Variants in ZNF845 observed in about 807,000 individuals in gnomAD.
ZNF845 encodes zinc finger protein 845.
Under a neutral mutation model 76.1 loss-of-function variants are expected in ZNF845, and 59 were observed. That is an observed-to-expected ratio of 0.78 (90% CI 0.63 to 0.96). The LOEUF (loss-of-function observed/expected upper bound fraction) is 0.96, where lower values mean the gene tolerates loss of function less well. Among genes scored for constraint, ZNF845 ranks in the 40% least tolerant of loss-of-function variants. ZNF845 has a pLI of 0.00. For missense variants in ZNF845, 1,045 were observed against 1,172.8 expected, an observed-to-expected ratio of 0.89 and a Z score of 1.59; for synonymous variants, 361 against 386.9, an observed-to-expected ratio of 0.93 and a Z score of 0.78.
Position 53,352,725 on chromosome 19 carries a change from C to G in ZNF845, c.2050C>G (p.Leu684Val), listed in dbSNP as rs574709820. The change falls in exon 4 of 4, where the codon CTT becomes GTT. Residue 684 changes from leucine to valine, a missense_variant. By Grantham distance (32) the Leu-to-Val change is conservative. Transcript: ENST00000458035. ...RKSYLTCHRR[L>V]HTGEKPYKCN... is the part of the protein sequence containing the mutation. ...GTCATACCTTACATGCCATCGTAGA[C>G]TTCATACTGGAGAGAAACCTTACAA... is the stretch of plus-strand genomic sequence containing the variant. 6.2e-7 allele frequency: 1 copy of G among 1,613,392 alleles called. No individual in the cohort carries two copies. The highest frequency in any genetic ancestry group is 1.3e-5 in the African/African-American group (1 of 74,796).
intron 2 of ZNF845, among the ~76,000 whole-genome samples, chr19:53,344,449 A>G (rs2085279002): frequency 6.6e-6 from 1 of 151,966 alleles, no homozygotes; most frequent in Non-Finnish European, 1.5e-5. Flanking sequence ...GAGGCAGGAG[A>G]ATCACTTGAT....
At chr19:53,342,716 C>T (rs1307889383) in intron 2 of ZNF845, among the ~76,000 whole-genome samples, 1 of 152,112 alleles carries the variant, frequency 6.6e-6, no homozygotes, top group Admixed American at 6.6e-5. Flanking sequence ...GTTTGGGGCG[C>T]CATGTTCAGG....
chr19:53,342,715 G>A (rs114705825), intron 2 of ZNF845, among the ~76,000 whole-genome samples: 6 of 152,058 alleles, frequency 3.9e-5, no homozygotes, highest in Admixed American at 3.3e-4. Flanking sequence ...GGTTTGGGGC[G>A]CCATGTTCAG....
intron 1 of ZNF845, among the ~76,000 whole-genome samples, chr19:53,336,510 A>C (rs918934440): frequency 1.3e-5 from 2 of 152,038 alleles, no homozygotes; most frequent in African/African-American, 2.4e-5. Flanking sequence ...GCTTCATCTC[A>C]AAAAAACAAA....
chr19:53,350,653 C>T (rs940609019), intron 3 of ZNF845, among the ~76,000 whole-genome samples, 165 bp from the exon 4 acceptor site: 5 of 152,108 alleles, frequency 3.3e-5, no homozygotes, highest in South Asian at 4.1e-4. Context: ...TACATGTAAT[C>T]GCCCTTTATT....
rs115668542 is a variant in ZNF845 at position 53,335,539 on chromosome 19, G to A, written c.-74+1747G>A. Among the ~76,000 whole-genome samples the A allele has an allele frequency of 6.9e-3, 1,043 of 152,188 alleles. 10 individuals are homozygous for A. The highest frequency in any genetic ancestry group is 0.024 in the African/African-American group (1,000 of 41,534). On this transcript the variant is annotated intron_variant, in intron 1 of 3. Coordinates refer to ENST00000458035, the MANE Select transcript of ZNF845 (RefSeq NM_138374.3). ...GCCTCCCAAATTACTGGGATTACAG[G>A]TGGAATTACAGAGAGGAGCCACCGT... is the stretch of plus-strand genomic sequence containing the variant.
intron 3 of ZNF845, among the ~76,000 whole-genome samples, chr19:53,349,425 C>T (rs1460275133): frequency 6.6e-6 from 1 of 151,478 alleles, no homozygotes; most frequent in Non-Finnish European, 1.5e-5. Context: ...CCATCACACC[C>T]GGCTAATTTT....
rs796073363 is a variant in ZNF845, at chr19:53,338,722, GCACA to G, written c.-73-2505_-73-2502del. Reference sequence around the variant, plus strand: ...CACACACACACACACACACACACACGCACACACACACTCCCACACACACAGTCAC... The same window carrying G: ...CACACACACACACACACACACACACGCACACACTCCCACACACACAGTCAC... On this transcript the variant is annotated intron_variant, in intron 1 of 3. Coordinates refer to ENST00000458035, the MANE Select transcript of ZNF845 (RefSeq NM_138374.3). Among the ~76,000 whole-genome samples, 10 of 129,388 alleles carry G rather than the reference GCACA, an allele frequency of 7.7e-5. No individual in the cohort carries two copies. The East Asian group carries it at 9.0e-4, about 12-fold the overall frequency. The allele number at this position is 129,388 out of a possible 152,430, so 84.9% of individuals were successfully genotyped here. A position where few individuals can be genotyped will look rare whatever the true frequency, so the allele number is the denominator to read the frequency against.
rs770862795 is a variant in ZNF845 at position 53,350,911 on chromosome 19, G to A, written c.236G>A (p.Arg79His). Residue 79 changes from arginine (R) to histidine (H), a missense_variant, in exon 4 of 4, where the codon CGT (arginine) becomes CAT (histidine). Arg to His is a conservative substitution (Grantham distance 29, BLOSUM62 0). Coordinates refer to ENST00000458035, the MANE Select transcript of ZNF845 (RefSeq NM_138374.3). ...ACAGGGACATTGCAAAGACATGAAC[G>A]TCATCACATTGGAGATTTTTGCTTC... ...IHTGTLQRHE[R>H]HHIGDFCFQE... The A allele has an allele frequency of 3.5e-5, 56 of 1,614,030 alleles. 1 individual carries two copies. The East Asian group carries it at 4.0e-4, about 12-fold the overall frequency.
intron 1 of ZNF845, among the ~76,000 whole-genome samples, chr19:53,336,633 C>CTTTTTT (rs398035035): frequency 1.2e-4 from 11 of 92,434 alleles, no homozygotes; most frequent in African/African-American, 2.7e-4. Flanking sequence ...TTCTTTCTTT[C>CTTTTTT]TTTTTTTTTT....
rs1024992111 is a variant in ZNF845 at position 53,355,015 on chromosome 19, G to T, written c.*1427G>T. The stretch of plus-strand genomic sequence containing the variant: ...GCTCACTGCAGCCTCTGCCTTTCGG[G>T]TTTAAGTGATTCTCCTGCCTACTAA... On this transcript the variant is annotated 3_prime_UTR_variant, in exon 4 of 4. Transcript: ENST00000458035. 5 of 151,958 alleles carry T rather than the reference G, an allele frequency of 3.3e-5. No homozygotes were observed. Among genetic ancestry groups the T allele is most frequent in the African/African-American group, 1.2e-4 (5 of 41,334 alleles). 9.4% of individuals were successfully genotyped at this position (151,958 alleles called of 1,614,324 possible).
chr19:53,352,481 T>G lies in ZNF845; in HGVS notation c.1806T>G (p.Asn602Lys). ...TTGCAAATCATTGGAGAATCCATAA[T>G]GAAGAGAGATCGTACAAGTGTAATA... is the stretch of plus-strand genomic sequence containing the variant. The part of the protein sequence containing the change: ...TTIANHWRIH[N>K]EERSYKCNRC... The change falls in exon 4 of 4, where the codon AAT (asparagine) becomes AAG (lysine). Residue 602 changes from asparagine to lysine, a missense_variant. Asn to Lys is a moderately conservative substitution (Grantham distance 94). Transcript: ENST00000458035. 4 of 1,612,990 alleles carry G rather than the reference T, an allele frequency of 2.5e-6. No individual in the cohort carries two copies. Among genetic ancestry groups the G allele is most frequent in the Non-Finnish European group, 3.4e-6 (4 of 1,179,384 alleles).
Position 53,356,171 on chromosome 19 carries a change from A to G in ZNF845, c.*2583A>G, listed in dbSNP as rs1156785542. ...CAGGCTCTAGTTTGAGGCACTCAGA[A>G]GGATAAGACATCAGTTTGAAAAGAA... On this transcript the variant is annotated 3_prime_UTR_variant, in exon 4 of 4. Coordinates refer to ENST00000458035, the MANE Select transcript of ZNF845 (RefSeq NM_138374.3). 6.6e-6 allele frequency: 1 copy of G among 152,232 alleles called. No homozygotes were observed. The highest frequency in any genetic ancestry group is 1.5e-5 in the Non-Finnish European group (1 of 68,044). 9.4% of individuals were successfully genotyped at this position (152,232 alleles called of 1,614,324 possible).
In ZNF845 at chr19:53,351,896, A is replaced by G; in HGVS notation, c.1221A>G (p.Gly407=). The G allele has an allele frequency of 6.2e-7, 1 of 1,613,682 alleles. No individual in the cohort carries two copies. The highest frequency in any genetic ancestry group is 1.1e-5 in the South Asian group (1 of 91,052). ...SLTRHRRLHT[G]EKPYKCNDCG... ...CACGCCATCGTAGACTTCATACTGG[A>G]GAGAAACCTTATAAGTGTAATGATT... Residue 407 remains glycine (G), a synonymous_variant, in exon 4 of 4, where the codon GGA becomes GGG. Coordinates refer to ENST00000458035, the MANE Select transcript of ZNF845 (RefSeq NM_138374.3).
At chr19:53,347,751 C>G (rs1319402935) in intron 3 of ZNF845, among the ~76,000 whole-genome samples, 1 of 152,198 alleles carries the variant, frequency 6.6e-6, no homozygotes, top group Non-Finnish European at 1.5e-5. Context: ...TCACTGTCCT[C>G]TCAGAAATAG....
At position 53,352,048 on chromosome 19, in the gene ZNF845, G is replaced by A; in HGVS notation, c.1373G>A (p.Arg458Lys). The change falls in exon 4 of 4, where the codon AGG (arginine) becomes AAG (lysine). Residue 458 changes from arginine (R) to lysine (K), a missense_variant. Transcript: ENST00000458035. ...TTCAAATCGAACCTTGAAAGACATA[G>A]GAGAATTCATACTGGAGAGAAACCT... The part of the protein sequence containing the change: ...FSFKSNLERH[R>K]RIHTGEKPYK... 1 of 1,613,408 alleles carries A rather than the reference G, an allele frequency of 6.2e-7. No individual in the cohort carries two copies. The highest frequency in any genetic ancestry group is 1.1e-5 in the South Asian group (1 of 91,020).
At position 53,341,239 on chromosome 19, in the gene ZNF845, G is replaced by C. The variant is rs1025669210; in HGVS notation, c.-69G>C. On this transcript the variant is annotated 5_prime_UTR_variant, in exon 2 of 4. Coordinates refer to ENST00000458035, the MANE Select transcript of ZNF845 (RefSeq NM_138374.3). ...CAACATATTTTTAACATTCAGGATTGACTTCTAAAGACTCTTGGTACGTGA... is the reference window on the plus strand; with the variant it reads ...CAACATATTTTTAACATTCAGGATTCACTTCTAAAGACTCTTGGTACGTGA... The C allele has an allele frequency of 7.5e-6, 12 of 1,591,596 alleles. No individual in the cohort carries two copies. The Admixed American group carries it at 8.3e-5, about 11-fold the overall frequency.
At position 53,352,329 on chromosome 19, in the gene ZNF845, C is replaced by T. The variant is rs772456230; in HGVS notation, c.1654C>T (p.Gln552Ter). The change falls in exon 4 of 4, where the codon CAG (glutamine) becomes TAG (stop). Residue 552 changes from glutamine to a stop codon, truncating the protein, a stop_gained. Transcript: ENST00000458035. LOFTEE classifies it high-confidence loss of function. ...CRLHTGEKPY[Q>*]CNECGKAFRG... The stretch of plus-strand genomic sequence containing the variant: ...ACTTCATACTGGAGAGAAACCTTAC[C>T]AGTGTAATGAGTGTGGCAAAGCCTT... 3 of 1,609,378 alleles carry T rather than the reference C, an allele frequency of 1.9e-6. No individual in the cohort carries two copies. Among genetic ancestry groups the T allele is most frequent in the Non-Finnish European group, 2.5e-6 (3 of 1,178,268 alleles).
chr19:53,344,126 A>T (rs556217142), intron 2 of ZNF845, among the ~76,000 whole-genome samples: 1 of 152,108 alleles, frequency 6.6e-6, no homozygotes, highest in East Asian at 1.9e-4. Flanking sequence ...GGCATGTGCC[A>T]CTGTGCCAGG....
Sources: gnomAD v4.1 joint callset for allele counts (sites outside exome capture counted in the v4.1 genomes callset) on GRCh38, gnomAD v4.1.1 for gene constraint, MANE v1.5 for transcripts, NCBI Gene and HGNC (gene_info 2026-07-23, HGNC 2026-07-21) for gene names.